IL1RAPL2: variants seen among roughly 807,000 people sequenced by gnomAD.
IL1RAPL2 encodes interleukin 1 receptor accessory protein like 2, also known as X-linked interleukin-1 receptor accessory protein-like 2.
Under a neutral mutation model 44.1 loss-of-function variants are expected in IL1RAPL2, and 3 were observed. The ratio of observed to expected loss-of-function variants is 0.07; its 90% confidence interval spans 0.03 to 0.18. The LOEUF (loss-of-function observed/expected upper bound fraction) is 0.18. Ranked by LOEUF, IL1RAPL2 falls within the 10% of genes least tolerant of loss-of-function variation. IL1RAPL2 has a pLI of 1.00. For missense variants in IL1RAPL2, 391 were observed against 496.4 expected (o/e 0.79, Z 2.02); for synonymous variants, 181 against 178.8 (o/e 1.01, Z -0.10).
At chrX:105,447,276 A>G (rs1355784779) in intron 5 of IL1RAPL2, among the ~76,000 whole-genome samples, 2 of 48,587 alleles carry the variant, frequency 4.1e-5, no homozygotes, top group Admixed American at 4.4e-4. Context: ...AAATATATAT[A>G]AAATATATAT....
chrX:104,585,306 T>TTATATAA (rs1928510239), intron 1 of IL1RAPL2, among the ~76,000 whole-genome samples: 3 of 21,157 alleles, frequency 1.4e-4, no homozygotes, highest in East Asian at 2.0e-3. Flanking sequence ...ATATTATATA[T>TTATATAA]TATATAATAT....
At chrX:105,158,252 G>GA (rs1367046466) in intron 2 of IL1RAPL2, among the ~76,000 whole-genome samples, 1 of 111,713 alleles carries the variant, frequency 9.0e-6, no homozygotes, top group African/African-American at 3.3e-5. Flanking sequence ...AGCTACTCAG[G>GA]AGGCTAAGGC....
intron 6 of IL1RAPL2, among the ~76,000 whole-genome samples, chrX:105,525,284 T>C (rs1449037193): frequency 9.0e-6 from 1 of 111,596 alleles, no homozygotes; most frequent in Non-Finnish European, 1.9e-5. Context: ...GTAAAAATAG[T>C]TCATTTCAAA....
intron 5 of IL1RAPL2, among the ~76,000 whole-genome samples, chrX:105,384,024 T>C (rs1383894806): frequency 8.9e-6 from 1 of 111,996 alleles, no homozygotes; most frequent in Non-Finnish European, 1.9e-5. Flanking sequence ...CCTATTCAGT[T>C]GAATAGTTTA....
intron 2 of IL1RAPL2, among the ~76,000 whole-genome samples, chrX:105,065,584 T>C (rs1419090593): frequency 1.8e-5 from 2 of 111,519 alleles, no homozygotes; most frequent in Non-Finnish European, 3.8e-5. Context: ...ACTGGTAGTC[T>C]TGGAAAATAG....
At chrX:105,646,973 T>C (rs913261880) in intron 6 of IL1RAPL2, among the ~76,000 whole-genome samples, 1 of 112,464 alleles carries the variant, frequency 8.9e-6, no homozygotes, top group African/African-American at 3.2e-5. Context: ...TTCTCTGACT[T>C]GGGGTTCTTG....
At chrX:105,501,273 C>T (rs1237766907) in intron 6 of IL1RAPL2, among the ~76,000 whole-genome samples, 1 of 111,799 alleles carries the variant, frequency 8.9e-6, no homozygotes, top group Non-Finnish European at 1.9e-5. Context: ...TTATATTTTA[C>T]AAATCCAACT....
In IL1RAPL2 at chrX:105,080,982, G is replaced by A. The variant is rs757071931; in HGVS notation, c.83-114493G>A. 1.3e-4 allele frequency among the ~76,000 whole-genome samples: 15 copies of A among 111,236 alleles called. No individual in the cohort carries two copies. In the South Asian group the frequency reaches 4.5e-3, roughly 34 times the overall value. On this transcript the variant is annotated intron_variant, in intron 2 of 10. Coordinates refer to ENST00000372582, the MANE Select transcript of IL1RAPL2 (RefSeq NM_017416.2). ...GTATTTTATTCTCTTTGTAGCAATT[G>A]TGAATGGGAGTTAACTCATGGTTTG...
At chrX:105,164,454 A>C (rs1022372583) in intron 2 of IL1RAPL2, among the ~76,000 whole-genome samples, 3 of 112,187 alleles carry the variant, frequency 2.7e-5, no homozygotes, top group Non-Finnish European at 5.6e-5. Context: ...ATGAGATAAA[A>C]TAATAGCTCG....
intron 2 of IL1RAPL2, among the ~76,000 whole-genome samples, chrX:104,877,273 T>A (rs1022598384): frequency 9.0e-6 from 1 of 111,163 alleles, no homozygotes; most frequent in Non-Finnish European, 1.9e-5. Context: ...TCAAATGGTA[T>A]TTCTAGTTCT....
intron 2 of IL1RAPL2, among the ~76,000 whole-genome samples, chrX:105,077,334 T>G (rs1177158350): frequency 6.3e-5 from 7 of 111,849 alleles, no homozygotes; most frequent in Non-Finnish European, 1.3e-4. Context: ...ACATTCTGGG[T>G]TGAAAATTCT....
chrX:105,493,274 G>A (rs2036334136), intron 6 of IL1RAPL2, among the ~76,000 whole-genome samples: 1 of 111,445 alleles, frequency 9.0e-6, no homozygotes, highest in Non-Finnish European at 1.9e-5. Context: ...TTTCTCTTGT[G>A]TATACCTAGG....
At chrX:104,734,358 A>C (rs1931976255) in intron 2 of IL1RAPL2, among the ~76,000 whole-genome samples, 1 of 112,678 alleles carries the variant, frequency 8.9e-6, no homozygotes, top group African/African-American at 3.2e-5. Context: ...TGTGTATAGA[A>C]GCTTTGTTTC....
intron 2 of IL1RAPL2, among the ~76,000 whole-genome samples, chrX:105,146,890 C>A (rs1243646723): frequency 1.8e-5 from 2 of 111,736 alleles, no homozygotes; most frequent in Non-Finnish European, 3.8e-5. Context: ...AAAGGCAGGA[C>A]ATCTTGAAGA....
chrX:105,152,610 C>T (rs759362561), intron 2 of IL1RAPL2, among the ~76,000 whole-genome samples: 1 of 112,018 alleles, frequency 8.9e-6, no homozygotes, highest in Non-Finnish European at 1.9e-5. Flanking sequence ...CTGAATATCA[C>T]GAATCTAATT....
chrX:105,240,010 T>C (rs1218553900), intron 4 of IL1RAPL2, among the ~76,000 whole-genome samples: 4 of 112,555 alleles, frequency 3.6e-5, no homozygotes, highest in African/African-American at 1.3e-4. Context: ...TAGCTGAATG[T>C]ATCTGAAGAT....
intron 2 of IL1RAPL2, among the ~76,000 whole-genome samples, chrX:104,783,206 T>G (rs1192706531): frequency 8.9e-6 from 1 of 112,003 alleles, no homozygotes; most frequent in East Asian, 2.8e-4. Context: ...AGGTAGGTAC[T>G]TTATGTAATC....
Position 104,932,246 on chromosome X carries a change from C to T in IL1RAPL2, c.83-263229C>T, listed in dbSNP as rs760629355. ...ACTGCTGACCTCAGGAGATCCATCC[C>T]CCTCAGCCTCCCAAAGTGCTGGGAT... On this transcript the variant is annotated intron_variant, in intron 2 of 10. Transcript: ENST00000372582. Among the ~76,000 whole-genome samples, 22 of 109,625 alleles carry T rather than the reference C, an allele frequency of 2.0e-4. No homozygotes were observed. The East Asian group carries it at 6.3e-3, about 32-fold the overall frequency.
intron 6 of IL1RAPL2, among the ~76,000 whole-genome samples, chrX:105,711,146 C>T (rs1008035594): frequency 4.5e-5 from 5 of 109,946 alleles, no homozygotes; most frequent in Non-Finnish European, 7.6e-5. Flanking sequence ...ACAGATGATA[C>T]GTACTGTAAG....
Sources: gnomAD v4.1 joint callset for allele counts (sites outside exome capture counted in the v4.1 genomes callset) on GRCh38, gnomAD v4.1.1 for gene constraint, MANE v1.5 for transcripts, NCBI Gene and HGNC (gene_info 2026-07-23, HGNC 2026-07-21) for gene names.